Variants in ANTXR1 observed in about 807,000 individuals in gnomAD.
The protein encoded by ANTXR1 is ANTXR cell adhesion molecule 1.
In ANTXR1, 19 loss-of-function variants were observed where a neutral mutation model predicts 78.1. The ratio of observed to expected loss-of-function variants is 0.24; its 90% confidence interval spans 0.17 to 0.36. The LOEUF (loss-of-function observed/expected upper bound fraction) is 0.36, where lower values mean the gene tolerates loss of function less well. Among genes scored for constraint, ANTXR1 ranks in the 10% least tolerant of loss-of-function variants. ANTXR1 has a pLI of 1.00. For missense variants in ANTXR1, 518 were observed against 718.6 expected, an observed-to-expected ratio of 0.72 and a Z score of 3.19; for synonymous variants, 273 against 260.5, an observed-to-expected ratio of 1.05 and a Z score of -0.46.
At position 69,182,353 on chromosome 2, in the gene ANTXR1, C is replaced by G. The variant is rs933189948; in HGVS notation, c.1186-140C>G. The G allele has an allele frequency of 5.9e-6, 6 of 1,019,556 alleles. No homozygotes were observed. In the African/African-American group the frequency reaches 9.6e-5, roughly 16 times the overall value. 63.2% of individuals were successfully genotyped at this position (1,019,556 alleles called of 1,614,324 possible). A position where few individuals can be genotyped will look rare whatever the true frequency, so the allele number is the denominator to read the frequency against. On this transcript the variant is annotated intron_variant, in intron 15 of 17. Transcript: ENST00000303714. ...CCTTTTCTCTTTTTCCACAGTTTCC[C>G]TCTTCCCTGGCCCTCAAAACCCAAA...
At chr2:69,059,701 A>G (rs1447889291) in intron 3 of ANTXR1, among the ~76,000 whole-genome samples, 1 of 152,206 alleles carries the variant, frequency 6.6e-6, no homozygotes, top group Non-Finnish European at 1.5e-5. Flanking sequence ...ATAGACTGCA[A>G]TATAGTATAG....
intron 1 of ANTXR1, among the ~76,000 whole-genome samples, chr2:69,027,973 AGCAGTAAAGAGCAGAACAGACAAT>A (rs1407168515): frequency 5.3e-5 from 8 of 152,198 alleles, no homozygotes; most frequent in African/African-American, 1.2e-4. Context: ...TCACCAAAGA[AGCAGTAAAGAGCAGAACAGACAAT>A]GCAGAAAATG....
chr2:69,191,232 A>G (rs1008346303), intron 16 of ANTXR1, among the ~76,000 whole-genome samples: 4 of 152,240 alleles, frequency 2.6e-5, no homozygotes, highest in African/African-American at 9.6e-5. Context: ...GAGAAACACT[A>G]CACTTGGCAA....
chr2:69,146,182 T>C, intron 12 of ANTXR1: 2 of 985,364 alleles, frequency 2.0e-6, no homozygotes. Flanking sequence ...GTGTGAGCAT[T>C]TGACAAGACT....
chr2:69,217,647 G>A (rs1201680883), intron 17 of ANTXR1, among the ~76,000 whole-genome samples: 1 of 152,172 alleles, frequency 6.6e-6, no homozygotes, highest in Non-Finnish European at 1.5e-5. Flanking sequence ...AGTGGCTGGT[G>A]CATATCAGCA....
intron 17 of ANTXR1, among the ~76,000 whole-genome samples, chr2:69,200,406 G>T (rs750816579): frequency 1.3e-5 from 2 of 152,216 alleles, no homozygotes; most frequent in Non-Finnish European, 1.5e-5. Context: ...CCCTACTGTC[G>T]CAGAGGCGAG....
intron 17 of ANTXR1, among the ~76,000 whole-genome samples, chr2:69,194,156 T>C (rs1674608210): frequency 6.6e-6 from 1 of 152,214 alleles, no homozygotes; most frequent in Non-Finnish European, 1.5e-5. Flanking sequence ...CTGTTTCAAA[T>C]AGTAACAAGT....
At chr2:69,184,531 T>A (rs1255712465) in intron 16 of ANTXR1, among the ~76,000 whole-genome samples, 1 of 152,236 alleles carries the variant, frequency 6.6e-6, no homozygotes, top group Non-Finnish European at 1.5e-5. Flanking sequence ...ATCTGTACCT[T>A]GTGACTAACG....
At chr2:69,225,419 G>T (rs1027251927) in intron 17 of ANTXR1, among the ~76,000 whole-genome samples, 1 of 152,326 alleles carries the variant, frequency 6.6e-6, no homozygotes, top group Non-Finnish European at 1.5e-5. Context: ...GGTTGAGGCT[G>T]CAGTGAGCCA....
intron 17 of ANTXR1, among the ~76,000 whole-genome samples, chr2:69,240,590 C>A (rs146914603): frequency 6.6e-6 from 1 of 152,334 alleles, no homozygotes; most frequent in East Asian, 1.9e-4. Flanking sequence ...CGGGAACAAT[C>A]GTTTGACTAT....
At chr2:69,041,693 T>G (rs1382358649) in intron 2 of ANTXR1, among the ~76,000 whole-genome samples, 12 of 152,226 alleles carry the variant, frequency 7.9e-5, no homozygotes, top group African/African-American at 2.9e-4. Flanking sequence ...CTTTCTCAGT[T>G]CCCTCAGCAA....
intron 3 of ANTXR1, among the ~76,000 whole-genome samples, chr2:69,049,399 C>A (rs1184654208): frequency 6.6e-6 from 1 of 152,152 alleles, no homozygotes; most frequent in African/African-American, 2.4e-5. Flanking sequence ...CAACCTCCAT[C>A]TCCCAAGTTC....
At position 69,206,117 on chromosome 2, in the gene ANTXR1, G is replaced by A. The variant is rs190781523; in HGVS notation, c.1434+12702G>A. Among the ~76,000 whole-genome samples, 23 of 152,202 alleles carry A rather than the reference G, an allele frequency of 1.5e-4. No homozygotes were observed. In the East Asian group the frequency reaches 2.1e-3, roughly 14 times the overall value. ...TGAGGGTGCTCATTCCATTCCTCTA[G>A]CATTCAGCACCTCTGTCCATTTCTG... On this transcript the variant is annotated intron_variant, in intron 17 of 17. Transcript: ENST00000303714.
chr2:69,168,796 A>G (rs868433531), intron 13 of ANTXR1, among the ~76,000 whole-genome samples: 12 of 152,234 alleles, frequency 7.9e-5, no homozygotes, highest in African/African-American at 2.9e-4. Flanking sequence ...GAGCACAATC[A>G]TGGCTTTGCA....
At chr2:69,059,860 A>C (rs901148058) in intron 3 of ANTXR1, among the ~76,000 whole-genome samples, 49 of 152,328 alleles carry the variant, frequency 3.2e-4, no homozygotes, top group Non-Finnish European at 4.4e-5. Context: ...TAAATTGCTA[A>C]GTCTTAAGGT....
intron 12 of ANTXR1, among the ~76,000 whole-genome samples, chr2:69,147,750 A>G (rs1452525515): frequency 6.6e-6 from 1 of 152,208 alleles, no homozygotes; most frequent in Admixed American, 6.5e-5. Context: ...AACATATAAA[A>G]ATAAATATGT....
At chr2:69,098,387 A>G (rs1269787080) in intron 9 of ANTXR1, among the ~76,000 whole-genome samples, 1 of 152,184 alleles carries the variant, frequency 6.6e-6, no homozygotes, top group Non-Finnish European at 1.5e-5. Flanking sequence ...CTAAGAGGAG[A>G]GCAAATTCAA....
rs1558672333 is a variant in ANTXR1 at position 69,245,377 on chromosome 2, T to TA, written c.1588dup (p.Thr530AsnfsTer53). The TA allele has an allele frequency of 2.1e-6, 1 of 485,990 alleles. No individual in the cohort carries two copies. The highest frequency in any genetic ancestry group is 9.5e-5 in the East Asian group (1 of 10,580). 30.1% of individuals were successfully genotyped at this position (485,990 alleles called of 1,614,324 possible). On this transcript the variant is annotated frameshift_variant, in exon 18 of 18. Coordinates refer to ENST00000303714, the MANE Select transcript of ANTXR1 (RefSeq NM_032208.3). LOFTEE classifies it high-confidence loss of function. ...GCCCTCCCCCGCCCCCCAGCGCCCC[T>TA]ACCCCTCCCATCCCGTCCCCACCTT...
chr2:69,165,936 T>TA (rs1319918546), intron 13 of ANTXR1, among the ~76,000 whole-genome samples: 1 of 152,194 alleles, frequency 6.6e-6, no homozygotes. Context: ...AAGCCATTTA[T>TA]AAAAAAATAA....
Sources: gnomAD v4.1 joint callset for allele counts (sites outside exome capture counted in the v4.1 genomes callset) on GRCh38, gnomAD v4.1.1 for gene constraint, MANE v1.5 for transcripts, NCBI Gene and HGNC (gene_info 2026-07-23, HGNC 2026-07-21) for gene names.